The following PCSK6 variants were observed in gnomAD, a reference collection of about 807,000 sequenced individuals.
The protein encoded by PCSK6 is proprotein convertase subtilisin/kexin type 6.
A neutral mutation model predicts 123.3 loss-of-function variants in PCSK6; 85 were observed. The observed-to-expected ratio is 0.69, with a 90% CI of 0.58 to 0.83. The LOEUF is 0.83. Among genes scored for constraint, PCSK6 ranks in the 40% least tolerant of loss-of-function variants. The pLI, the probability that PCSK6 is intolerant of heterozygous loss-of-function variation, is 0.00. For missense variants in PCSK6, 1,191 were observed against 1,282.3 expected (o/e 0.93, Z 1.09); for synonymous variants, 508 against 516.0 (o/e 0.98, Z 0.21).
rs892895335 is a variant in PCSK6, at chr15:101,377,380, A to AG, written c.1532+4711dup. ...CTCAGTACCGCCTGAGCTCCTACCTAGGGGGGCAAGGTGGACTCTGGAGAC... is the reference window on the plus strand; with the variant it reads ...CTCAGTACCGCCTGAGCTCCTACCTAGGGGGGGCAAGGTGGACTCTGGAGAC... On this transcript the variant is annotated intron_variant, in intron 11 of 21. Transcript: ENST00000611716. Among the ~76,000 whole-genome samples, 15 of 152,168 alleles carry AG rather than the reference A, an allele frequency of 9.9e-5. No homozygotes were observed. In the East Asian group the frequency reaches 1.9e-3, roughly 20 times the overall value.
At chr15:101,352,948 G>A (rs1472439118) in intron 13 of PCSK6, among the ~76,000 whole-genome samples, 1 of 152,204 alleles carries the variant, frequency 6.6e-6, no homozygotes, top group Non-Finnish European at 1.5e-5. Context: ...ATGTTCTACT[G>A]CAGTGGTTCC....
At chr15:101,396,775 A>G (rs534563889) in intron 7 of PCSK6, among the ~76,000 whole-genome samples, 1 of 152,220 alleles carries the variant, frequency 6.6e-6, no homozygotes, top group East Asian at 1.9e-4. Flanking sequence ...ATGGAGATAA[A>G]GGAAGCTGTC....
chr15:101,410,766 C>T (rs1461729449), intron 6 of PCSK6, among the ~76,000 whole-genome samples: 1 of 152,208 alleles, frequency 6.6e-6, no homozygotes, highest in African/African-American at 2.4e-5. Context: ...GGGCAACAGG[C>T]CTGAGCTCAA....
intron 1 of PCSK6, among the ~76,000 whole-genome samples, chr15:101,467,575 C>G (rs1350216580): frequency 6.6e-6 from 1 of 152,100 alleles, no homozygotes; most frequent in South Asian, 2.1e-4. Flanking sequence ...GACTGGCCAA[C>G]AACAATTCTT....
intron 6 of PCSK6, among the ~76,000 whole-genome samples, chr15:101,420,077 G>A (rs1329835146): frequency 6.6e-6 from 1 of 151,740 alleles, no homozygotes; most frequent in Non-Finnish European, 1.5e-5. Flanking sequence ...TGTAATCCCA[G>A]GTACTCGGGA....
At chr15:101,359,769 C>A (rs186726656) in intron 13 of PCSK6, among the ~76,000 whole-genome samples, 4 of 152,258 alleles carry the variant, frequency 2.6e-5, no homozygotes, top group African/African-American at 9.6e-5. Flanking sequence ...AGCACCCACA[C>A]GCAACAGGCT....
intron 1 of PCSK6, among the ~76,000 whole-genome samples, chr15:101,468,824 T>C (rs1446353825): frequency 3.3e-5 from 5 of 152,206 alleles, no homozygotes; most frequent in Admixed American, 6.5e-5. Context: ...ACCTCACATC[T>C]GCACTAGTGA....
chr15:101,313,287 C>G, intron 20 of PCSK6, 89 bp downstream of exon 20: 1 of 1,605,098 alleles, frequency 6.2e-7, no homozygotes, highest in African/African-American at 1.3e-5. Context: ...CCCTCCCCGG[C>G]CCCTGGGGAA....
chr15:101,475,617 C>G (rs55942400), intron 1 of PCSK6, among the ~76,000 whole-genome samples: 13,456 of 151,210 alleles, frequency 0.089, 805 homozygotes, highest in East Asian at 0.17. Flanking sequence ...TCCCCAGTAG[C>G]TGGGACCACA....
intron 1 of PCSK6, among the ~76,000 whole-genome samples, chr15:101,445,089 A>G (rs1023040207): frequency 6.6e-6 from 1 of 152,198 alleles, no homozygotes; most frequent in East Asian, 1.9e-4. Context: ...ACCACAGAAC[A>G]TCAAATACGA....
At chr15:101,406,281 G>A (rs753902731) in intron 6 of PCSK6, among the ~76,000 whole-genome samples, 5 of 152,132 alleles carry the variant, frequency 3.3e-5, no homozygotes, top group Non-Finnish European at 5.9e-5. Context: ...GGGGGATAAC[G>A]GCTGGAGGAA....
intron 8 of PCSK6, among the ~76,000 whole-genome samples, chr15:101,390,540 G>A (rs976167660): frequency 6.6e-6 from 1 of 152,170 alleles, no homozygotes; most frequent in African/African-American, 2.4e-5. Flanking sequence ...AGCATTAGAA[G>A]GACTGGACCC....
chr15:101,307,783 G>A (rs1330942375), intron 20 of PCSK6: 1 of 169,936 alleles, frequency 5.9e-6, no homozygotes, highest in South Asian at 1.5e-4. Flanking sequence ...CTGACCAGAA[G>A]GCTGCTGTCA....
chr15:101,394,591 C>A (rs77479253), intron 7 of PCSK6, among the ~76,000 whole-genome samples: 6,663 of 152,246 alleles, frequency 0.044, 191 homozygotes, highest in African/African-American at 0.08. Context: ...ACCGTCCTTC[C>A]CAAACAAACA....
chr15:101,482,449 A>C (rs946489389), intron 1 of PCSK6, among the ~76,000 whole-genome samples: 9 of 152,214 alleles, frequency 5.9e-5, no homozygotes, highest in Non-Finnish European at 2.9e-5. Context: ...GGGTGAAAGG[A>C]GGAGGAGAGG....
intron 6 of PCSK6, among the ~76,000 whole-genome samples, chr15:101,408,680 G>A (rs2042849507): frequency 6.6e-6 from 1 of 152,180 alleles, no homozygotes; most frequent in African/African-American, 2.4e-5. Flanking sequence ...GCCCCCCAGT[G>A]CATTTAAAAT....
intron 13 of PCSK6, chr15:101,347,005 T>C (rs1251316796): frequency 1.6e-6 from 2 of 1,231,608 alleles, no homozygotes. Context: ...GACTGCAATA[T>C]TAATGCAAAT....
chr15:101,410,695 T>C (rs1282411795), intron 6 of PCSK6, among the ~76,000 whole-genome samples: 1 of 152,234 alleles, frequency 6.6e-6, no homozygotes, highest in Non-Finnish European at 1.5e-5. Flanking sequence ...TGTTCTCATC[T>C]GGTCACCGCG....
At chr15:101,386,563 T>C (rs1431469743) in intron 9 of PCSK6, among the ~76,000 whole-genome samples, 1 of 152,228 alleles carries the variant, frequency 6.6e-6, no homozygotes, top group East Asian at 1.9e-4. Context: ...TTTCTGTCTC[T>C]ATGAGTTTGA....
Sources: gnomAD v4.1 joint callset for allele counts (sites outside exome capture counted in the v4.1 genomes callset) on GRCh38, gnomAD v4.1.1 for gene constraint, MANE v1.5 for transcripts, NCBI Gene and HGNC (gene_info 2026-07-23, HGNC 2026-07-21) for gene names.